The following RBFOX1 variants were observed in gnomAD, a reference collection of about 807,000 sequenced individuals.
The protein encoded by RBFOX1 is RNA binding fox-1 homolog 1, also known as RNA binding protein fox-1 homolog 1.
A neutral mutation model predicts 57.7 loss-of-function variants in RBFOX1; 8 were observed. That is an observed-to-expected ratio of 0.14 (90% confidence interval 0.08 to 0.25). The LOEUF is 0.25. RBFOX1 is among the 10% of genes least tolerant of loss of function. The pLI, the probability that RBFOX1 is intolerant of heterozygous loss-of-function variation, is 1.00. For synonymous variants in RBFOX1, 326 were observed against 222.4 expected (o/e 1.47, Z -4.15); for missense variants, 611 against 548.5 (o/e 1.11, Z -1.14).
At chr16:6,333,310 G>T (rs572007253) in intron 2 of RBFOX1, among the ~76,000 whole-genome samples, 2 of 152,320 alleles carry the variant, frequency 1.3e-5, no homozygotes, top group South Asian at 4.1e-4. Flanking sequence ...ACCCCAAAGC[G>T]CTGGGATGAC....
At chr16:6,073,893 C>G (rs2095864916) in intron 1 of RBFOX1, among the ~76,000 whole-genome samples, 1 of 152,104 alleles carries the variant, frequency 6.6e-6, no homozygotes, top group African/African-American at 2.4e-5. Flanking sequence ...AGGTGTTACA[C>G]TATGGGTACT....
intron 1 of RBFOX1, among the ~76,000 whole-genome samples, chr16:6,107,333 C>G (rs563178042): frequency 1.3e-5 from 2 of 152,092 alleles, no homozygotes; most frequent in East Asian, 1.9e-4. Flanking sequence ...AGTCACTTTC[C>G]TAACACAGCA....
chr16:6,342,212 A>G (rs2084675706), intron 2 of RBFOX1, among the ~76,000 whole-genome samples: 1 of 152,150 alleles, frequency 6.6e-6, no homozygotes, highest in South Asian at 2.1e-4. Context: ...AAGCTTGTGT[A>G]AGGGATTATC....
chr16:7,295,194 T>C (rs1373046666), intron 4 of RBFOX1, among the ~76,000 whole-genome samples: 1 of 152,138 alleles, frequency 6.6e-6, no homozygotes, highest in Non-Finnish European at 1.5e-5. Flanking sequence ...GTTAAATAAA[T>C]TGTGTACTCA....
At chr16:7,537,239 C>G (rs34311485) in intron 5 of RBFOX1, among the ~76,000 whole-genome samples, 3 of 152,190 alleles carry the variant, frequency 2.0e-5, no homozygotes, top group Admixed American at 6.5e-5. Context: ...CTAGAATGGT[C>G]TGGAACATGG....
At chr16:5,524,421 T>A (rs1164845339) in intron 2 of RBFOX1, among the ~76,000 whole-genome samples, 1 of 152,230 alleles carries the variant, frequency 6.6e-6, no homozygotes, top group African/African-American at 2.4e-5. Context: ...AATGTCTGAA[T>A]TTGTGAGTAG....
chr16:7,623,943 C>G (rs1384035918), intron 10 of RBFOX1, among the ~76,000 whole-genome samples: 3 of 152,192 alleles, frequency 2.0e-5, no homozygotes, highest in African/African-American at 7.2e-5. Flanking sequence ...CAAGTAAAGT[C>G]ACATTCTGAA....
chr16:7,369,934 C>T (rs1263168367), intron 4 of RBFOX1, among the ~76,000 whole-genome samples: 4 of 152,200 alleles, frequency 2.6e-5, no homozygotes, highest in African/African-American at 7.2e-5. Flanking sequence ...GAAATGTTAA[C>T]GGGCTTGCTT....
chr16:7,469,791 T>C (rs1175319602), intron 4 of RBFOX1, among the ~76,000 whole-genome samples: 1 of 152,178 alleles, frequency 6.6e-6, no homozygotes, highest in Non-Finnish European at 1.5e-5. Context: ...TCCAGAACTT[T>C]TTCATCTTGT....
chr16:6,926,589 C>G (rs2075629812), intron 3 of RBFOX1, among the ~76,000 whole-genome samples: 1 of 152,138 alleles, frequency 6.6e-6, no homozygotes, highest in Non-Finnish European at 1.5e-5. Context: ...AAAGATAATG[C>G]TAGTTGCATG....
intron 3 of RBFOX1, among the ~76,000 whole-genome samples, chr16:6,719,504 G>A (rs2065511589): frequency 6.6e-6 from 1 of 151,298 alleles, no homozygotes; most frequent in East Asian, 2.0e-4. Context: ...GCAGTGGCAT[G>A]ATCTTGGCTC....
At chr16:7,223,204 G>A (rs976721004) in intron 4 of RBFOX1, among the ~76,000 whole-genome samples, 11 of 152,214 alleles carry the variant, frequency 7.2e-5, no homozygotes, top group African/African-American at 2.7e-4. Flanking sequence ...GGCAGTGTCA[G>A]CCTAAGAGCT....
At chr16:7,188,449 G>T (rs2084465032) in intron 4 of RBFOX1, among the ~76,000 whole-genome samples, 1 of 152,194 alleles carries the variant, frequency 6.6e-6, no homozygotes, top group Non-Finnish European at 1.5e-5. Context: ...GAAGCTTTTA[G>T]CTGCATGTTA....
At chr16:7,230,864 C>T (rs1201310679) in intron 4 of RBFOX1, among the ~76,000 whole-genome samples, 2 of 152,144 alleles carry the variant, frequency 1.3e-5, no homozygotes, top group Non-Finnish European at 2.9e-5. Flanking sequence ...CATTTTATTC[C>T]TGGACTATAG....
intron 3 of RBFOX1, among the ~76,000 whole-genome samples, chr16:6,672,624 C>G (rs563860201): frequency 3.7e-4 from 57 of 152,242 alleles, no homozygotes; most frequent in African/African-American, 1.3e-3. Flanking sequence ...CTACTGACTT[C>G]AGGTACACAT....
intron 2 of RBFOX1, among the ~76,000 whole-genome samples, chr16:6,612,217 G>C (rs907884911): frequency 1.3e-5 from 2 of 152,190 alleles, no homozygotes; most frequent in Non-Finnish European, 2.9e-5. Context: ...TAGCTTTATA[G>C]AGAGTCCTAG....
At chr16:5,292,913 G>C (rs917055630) in intron 1 of RBFOX1, among the ~76,000 whole-genome samples, 2 of 152,106 alleles carry the variant, frequency 1.3e-5, no homozygotes, top group African/African-American at 2.4e-5. Flanking sequence ...GTGAGCCACT[G>C]TGCCCAGCCT....
chr16:7,115,052 G>A (rs2065589204), intron 4 of RBFOX1, among the ~76,000 whole-genome samples: 1 of 152,180 alleles, frequency 6.6e-6, no homozygotes, highest in African/African-American at 2.4e-5. Flanking sequence ...TCAACTCACT[G>A]AGTTTGTGTT....
chr16:6,077,006 C>T (rs565281883), intron 1 of RBFOX1, among the ~76,000 whole-genome samples: 1 of 152,190 alleles, frequency 6.6e-6, no homozygotes, highest in Non-Finnish European at 1.5e-5. Context: ...CAGCCAATAT[C>T]TAGCCTGCTT....
Sources: allele counts gnomAD v4.1 joint callset (sites outside exome capture counted in the v4.1 genomes callset), GRCh38; gene constraint gnomAD v4.1.1; transcripts MANE v1.5; gene names NCBI Gene and HGNC (gene_info 2026-07-23, HGNC 2026-07-21).